The following ISY1 variants were observed in gnomAD, a reference collection of about 807,000 sequenced individuals.
The protein encoded by ISY1 is ISY1 spliceosome associated protein, also known as pre-mRNA-splicing factor ISY1 homolog.
ISY1 carries 12 observed loss-of-function variants against 54.4 expected under a neutral mutation model. The observed-to-expected ratio is 0.22, with a 90% CI of 0.14 to 0.36. The LOEUF (loss-of-function observed/expected upper bound fraction) is 0.36, where lower values mean the gene tolerates loss of function less well. Among genes scored for constraint, ISY1 ranks in the 10% least tolerant of loss-of-function variants. The probability of loss-of-function intolerance (pLI) is 1.00; values close to 1 mark genes in which losing one functional copy is unlikely to be tolerated. For missense variants in ISY1, 282 were observed against 342.2 expected, an observed-to-expected ratio of 0.82 and a Z score of 1.39; for synonymous variants, 96 against 117.9, an observed-to-expected ratio of 0.81 and a Z score of 1.20.
At chr3:129,141,327 G>A (rs967569235) in intron 6 of ISY1, among the ~76,000 whole-genome samples, 2 of 152,012 alleles carry the variant, frequency 1.3e-5, no homozygotes, top group Non-Finnish European at 2.9e-5. Context: ...AGGAGTTCAC[G>A]ACCAGCATGG....
At chr3:129,152,695 C>T (rs930911051) in intron 5 of ISY1, among the ~76,000 whole-genome samples, 4 of 152,014 alleles carry the variant, frequency 2.6e-5, no homozygotes, top group Admixed American at 6.6e-5. Context: ...CGTGAGCCAC[C>T]GCGCCCGGCC....
chr3:129,154,401 C>T (rs1043744431), intron 5 of ISY1, among the ~76,000 whole-genome samples: 2 of 132,006 alleles, frequency 1.5e-5, no homozygotes, highest in Non-Finnish European at 3.1e-5. Context: ...GAACTCGCCA[C>T]TGCACTCTAG....
Position 129,159,143 on chromosome 3 carries a change from T to C in ISY1, c.26+11A>G, listed in dbSNP as rs772389806. Reference sequence around the variant, plus strand: ...CAAAAAATTTACAGCCAAAAACAAGTTGATACTTACATGGCCTTTTCTGCA... The same window carrying C: ...CAAAAAATTTACAGCCAAAAACAAGCTGATACTTACATGGCCTTTTCTGCA... On this transcript the variant is annotated intron_variant, in intron 2 of 10. Coordinates refer to ENST00000393295, the MANE Select transcript of ISY1 (RefSeq NM_020701.4). 28 of 1,605,246 alleles carry C rather than the reference T, an allele frequency of 1.7e-5. No individual in the cohort carries two copies. The highest frequency in any genetic ancestry group is 3.4e-5 in the South Asian group (3 of 87,890).
intron 10 of ISY1, 111 bp from the exon 11 acceptor site, chr3:129,130,299 A>AAATACGCAG: frequency 2.9e-6 from 4 of 1,396,434 alleles, no homozygotes; most frequent in Non-Finnish European, 3.8e-6. Flanking sequence ...AGTCTGATTT[A>AAATACGCAG]AATACGCAGA....
intron 5 of ISY1, among the ~76,000 whole-genome samples, chr3:129,147,791 A>C (rs1322118670): frequency 2.0e-5 from 3 of 151,878 alleles, no homozygotes; most frequent in Non-Finnish European, 4.4e-5. Flanking sequence ...CCCTCCCCCT[A>C]CCCAACTTTT....
At chr3:129,156,706 T>C in intron 4 of ISY1, 31 bp from the exon 5 acceptor site, 1 of 1,578,550 alleles carries the variant, frequency 6.3e-7, no homozygotes, top group Non-Finnish European at 8.6e-7. Flanking sequence ...ATTTTAATAA[T>C]TTTTGAATAT....
chr3:129,140,933 A>G (rs953913704), intron 6 of ISY1, among the ~76,000 whole-genome samples: 10 of 151,302 alleles, frequency 6.6e-5, no homozygotes, highest in Non-Finnish European at 1.2e-4. Flanking sequence ...AGCTGGATGC[A>G]GTGGCTCACA....
chr3:129,156,905 G>C lies in ISY1; in HGVS notation c.94C>G (p.Leu32Val), dbSNP rs764549145. The C allele has an allele frequency of 6.2e-7, 1 of 1,614,026 alleles. No individual in the cohort carries two copies. Among genetic ancestry groups the C allele is most frequent in the Non-Finnish European group, 8.5e-7 (1 of 1,179,982 alleles). Reference sequence around the variant, plus strand: ...GGCAGTTCAGTACATTCTGAGGCCAGAAAGGGTCTTCGTTCCTAAGGAGAA... The same window carrying C: ...GGCAGTTCAGTACATTCTGAGGCCACAAAGGGTCTTCGTTCCTAAGGAGAA... ...EGKVKERRPF[L>V]ASECTELPKA... The change falls in exon 4 of 11, where the codon CTG becomes GTG. Residue 32 changes from leucine (L) to valine (V), a missense_variant. Physicochemically the swap from Leu to Val is conservative, Grantham distance 32. Transcript: ENST00000393295.
chr3:129,137,765 T>C (rs1936463697), intron 7 of ISY1, among the ~76,000 whole-genome samples: 1 of 149,496 alleles, frequency 6.7e-6, no homozygotes, highest in Admixed American at 6.7e-5. Context: ...ACAAAAACTT[T>C]GCCGGGCGTG....
At chr3:129,155,429 C>T (rs1342011624) in intron 5 of ISY1, among the ~76,000 whole-genome samples, 1 of 151,848 alleles carries the variant, frequency 6.6e-6, no homozygotes, top group Non-Finnish European at 1.5e-5. Context: ...CTCCTAACCT[C>T]GTGATCCACC....
intron 6 of ISY1, among the ~76,000 whole-genome samples, chr3:129,142,973 T>G (rs1260649545): frequency 6.6e-6 from 1 of 152,170 alleles, no homozygotes; most frequent in Admixed American, 6.5e-5. Context: ...GAGAATCGCT[T>G]GAACCCAGGA....
chr3:129,152,688 G>A (rs547150652), intron 5 of ISY1, among the ~76,000 whole-genome samples: 1 of 152,042 alleles, frequency 6.6e-6, no homozygotes, highest in Non-Finnish European at 1.5e-5. Flanking sequence ...TTACAGGCGT[G>A]AGCCACCGCG....
chr3:129,137,269 C>G (rs780416811), intron 7 of ISY1: 2 of 973,296 alleles, frequency 2.1e-6, no homozygotes, highest in Non-Finnish European at 2.4e-6. Context: ...TCAGTTACCT[C>G]TAGGAGGGGC....
rs527277945 is a variant in ISY1 at position 129,156,412 on chromosome 3, A to T, written c.187+221T>A. Among the ~76,000 whole-genome samples the T allele has an allele frequency of 5.3e-5, 8 of 151,810 alleles. 1 individual carries two copies. In the South Asian group the frequency reaches 1.7e-3, roughly 32 times the overall value. ...AGACTCTGTCTCAAAAAAAAAAAAAAAAAATGACGTATTCTTTATTGTTAG... is the reference window on the plus strand; with the variant it reads ...AGACTCTGTCTCAAAAAAAAAAAAATAAAATGACGTATTCTTTATTGTTAG... On this transcript the variant is annotated intron_variant, in intron 5 of 10. Coordinates refer to ENST00000393295, the MANE Select transcript of ISY1 (RefSeq NM_020701.4).
chr3:129,147,939 TA>T (rs1487589977), intron 5 of ISY1, among the ~76,000 whole-genome samples: 9 of 152,186 alleles, frequency 5.9e-5, no homozygotes, highest in African/African-American at 1.9e-4. Context: ...ATGTTTTATT[TA>T]TTTTTTTTAT....
chr3:129,157,716 C>CAAA (rs1265760940), intron 3 of ISY1, among the ~76,000 whole-genome samples: 20 of 44,362 alleles, frequency 4.5e-4, no homozygotes, highest in East Asian at 2.3e-3. Flanking sequence ...GCGTCCATCT[C>CAAA]AAAAAAAAAA....
intron 6 of ISY1, chr3:129,144,219 G>A: frequency 2.7e-6 from 1 of 371,566 alleles, no homozygotes; most frequent in Non-Finnish European, 5.3e-6. Flanking sequence ...GAGAAGATTG[G>A]CATATAAAAA....
intron 4 of ISY1, 44 bp from the exon 5 acceptor site, chr3:129,156,719 TAGAA>T (rs764087435): frequency 6.3e-5 from 98 of 1,567,686 alleles, no homozygotes; most frequent in Middle Eastern, 1.8e-4. Flanking sequence ...TTGAATATGT[TAGAA>T]AGCACAGAAA....
At chr3:129,151,178 T>A (rs1038311406) in intron 5 of ISY1, among the ~76,000 whole-genome samples, 20 of 147,536 alleles carry the variant, frequency 1.4e-4, no homozygotes, top group Non-Finnish European at 1.3e-4. Context: ...TAAAAATATA[T>A]ATAAATATAT....
Sources: gnomAD v4.1 joint callset for allele counts (sites outside exome capture counted in the v4.1 genomes callset) on GRCh38, gnomAD v4.1.1 for gene constraint, MANE v1.5 for transcripts, NCBI Gene and HGNC (gene_info 2026-07-23, HGNC 2026-07-21) for gene names.